Variants in RGS3 observed in about 807,000 individuals in gnomAD.
The protein encoded by RGS3 is regulator of G-protein signalling 3.
RGS3 carries 80 observed loss-of-function variants against 132.6 expected under a neutral mutation model. The ratio of observed to expected loss-of-function variants is 0.60; its 90% CI spans 0.50 to 0.73. RGS3 has a LOEUF of 0.73. Among genes scored for constraint, RGS3 ranks in the 30% least tolerant of loss-of-function variants. RGS3 has a pLI of 0.00. For missense variants in RGS3, 1,382 were observed against 1,530.8 expected, an observed-to-expected ratio of 0.90 and a Z score of 1.62; for synonymous variants, 598 against 620.6, an observed-to-expected ratio of 0.96 and a Z score of 0.54.
chr9:113,448,315 T>C (rs963922299), intron 1 of RGS3, among the ~76,000 whole-genome samples: 4 of 152,158 alleles, frequency 2.6e-5, no homozygotes, highest in African/African-American at 9.7e-5. Context: ...ATGACCTGGC[T>C]TCTCTCCCCC....
chr9:113,587,892 G>A (rs534712556), intron 20 of RGS3, among the ~76,000 whole-genome samples: 2 of 152,196 alleles, frequency 1.3e-5, no homozygotes, highest in South Asian at 2.1e-4. Context: ...GTCTCATGGT[G>A]CCCCCTGCCG....
In RGS3 at chr9:113,590,983, GGCAGGGATTGGCCTAGTGACA is replaced by G. The variant is rs1835391107; in HGVS notation, c.3016-349_3016-329del. 7.2e-5 allele frequency among the ~76,000 whole-genome samples: 11 copies of G among 152,326 alleles called. No individual in the cohort carries two copies. In the South Asian group the frequency reaches 2.1e-3, roughly 29 times the overall value. The stretch of plus-strand genomic sequence containing the variant: ...ATTAAGGAATAGAGGCTTAGAGAGG[GGCAGGGATTGGCCTAGTGACA>G]CAGCAGAAGCCCTGCCCTCTCACCT... On this transcript the variant is annotated intron_variant, in intron 20 of 24. Transcript: ENST00000350696.
chr9:113,540,344 C>T (rs1832852210), intron 19 of RGS3, among the ~76,000 whole-genome samples: 1 of 152,152 alleles, frequency 6.6e-6, no homozygotes, highest in Non-Finnish European at 1.5e-5. Flanking sequence ...TAATAAATGC[C>T]TTCTCAGTGC....
At chr9:113,541,895 A>C (rs867768528) in intron 19 of RGS3, 3 of 982,012 alleles carry the variant, frequency 3.1e-6, no homozygotes, top group Non-Finnish European at 3.6e-6. Flanking sequence ...GGGTGCATCT[A>C]CTTTATGCCA....
chr9:113,469,191 T>C (rs1829745443), intron 3 of RGS3, among the ~76,000 whole-genome samples: 1 of 152,062 alleles, frequency 6.6e-6, no homozygotes, highest in African/African-American at 2.4e-5. Context: ...TGGGAACAGA[T>C]GTCAGCCAGC....
Position 113,536,844 on chromosome 9 carries a change from AAG to A in RGS3, c.1968_1969del (p.Arg656SerfsTer26). Reference sequence around the variant, plus strand: ...GGAAGCGCACTCGCAGGAGCAGAAGAAGAGAGTGTGCTGGTGCCTGTCGGAGA... The same window carrying A: ...GGAAGCGCACTCGCAGGAGCAGAAGAAGAGTGTGCTGGTGCCTGTCGGAGA... On this transcript the variant is annotated frameshift_variant, in exon 19 of 25. Transcript: ENST00000350696. LOFTEE classifies it high-confidence loss of function. 6.2e-7 allele frequency: 1 copy of A among 1,614,138 alleles called. No homozygotes were observed. Among genetic ancestry groups the A allele is most frequent in the Non-Finnish European group, 8.5e-7 (1 of 1,179,994 alleles).
intron 19 of RGS3, chr9:113,582,597 C>G (rs549906234): frequency 6.6e-6 from 1 of 152,264 alleles, no homozygotes; most frequent in Non-Finnish European, 1.5e-5. Flanking sequence ...TCCTGACTTT[C>G]TCGGGGCCCC....
At chr9:113,572,469 A>G (rs1834333471) in intron 19 of RGS3, among the ~76,000 whole-genome samples, 1 of 152,050 alleles carries the variant, frequency 6.6e-6, no homozygotes, top group Admixed American at 6.6e-5. Context: ...GCTTAGTCTC[A>G]TGTCCACATG....
chr9:113,579,673 C>A lies in RGS3; in HGVS notation c.2038-3777C>A, dbSNP rs560046013. ...CCCCAGCTGCCTGTACTTCCTCTAT[C>A]AGAGCAGTCCCCATGCTCCTTCAAA... On this transcript the variant is annotated intron_variant, in intron 19 of 24. Transcript: ENST00000350696. This position sits in a 1 kb window ranked among gnomAD's most constrained non-coding sequence, Gnocchi z 4.3. Among the ~76,000 whole-genome samples, 29 of 152,338 alleles carry A rather than the reference C, an allele frequency of 1.9e-4. No individual in the cohort carries two copies. The East Asian group carries it at 5.6e-3, about 29-fold the overall frequency.
At position 113,582,110 on chromosome 9, in the gene RGS3, G is replaced by A. The variant is rs370926555; in HGVS notation, c.2038-1340G>A. The A allele has an allele frequency of 3.8e-5, 37 of 985,302 alleles. No homozygotes were observed. In the African/African-American group the frequency reaches 6.3e-4, roughly 17 times the overall value. 61.0% of individuals were successfully genotyped at this position (985,302 alleles called of 1,614,324 possible). ...CCCTGACACGTGTGTGCAGCAGCCT[G>A]CAGCTGCCCCAAGCCATGGCTGAAC... On this transcript the variant is annotated intron_variant, in intron 19 of 24. Transcript: ENST00000350696.
chr9:113,534,457 A>G (rs1348654810), intron 18 of RGS3, among the ~76,000 whole-genome samples: 1 of 152,212 alleles, frequency 6.6e-6, no homozygotes, highest in Non-Finnish European at 1.5e-5. Flanking sequence ...AGTATTTAAT[A>G]TAACCTATAC....
intron 19 of RGS3, among the ~76,000 whole-genome samples, chr9:113,548,026 TACTTAGGTGG>T (rs1833185793): frequency 6.6e-6 from 1 of 152,196 alleles, no homozygotes; most frequent in Non-Finnish European, 1.5e-5. Flanking sequence ...CTGTAATCAA[TACTTAGGTGG>T]ACTTTGGGAA....
At chr9:113,566,408 C>A (rs533906831) in intron 19 of RGS3, among the ~76,000 whole-genome samples, 209 of 152,288 alleles carry the variant, frequency 1.4e-3, no homozygotes, top group African/African-American at 4.9e-3. Flanking sequence ...GAGGCTAATT[C>A]TTTTCCCAGC....
intron 1 of RGS3, among the ~76,000 whole-genome samples, chr9:113,445,814 G>A (rs561199933): frequency 6.6e-6 from 1 of 152,204 alleles, no homozygotes; most frequent in Admixed American, 6.5e-5. Flanking sequence ...GAGTAGCTGG[G>A]TTTACAGTCA....
chr9:113,564,232 T>G (rs1363080731), intron 19 of RGS3, among the ~76,000 whole-genome samples: 1 of 152,224 alleles, frequency 6.6e-6, no homozygotes, highest in Admixed American at 6.5e-5. Flanking sequence ...GCTATGTGAC[T>G]GTGGGCAACT....
In RGS3 at chr9:113,447,323, G is replaced by GTATATA. The variant is rs1554750967; in HGVS notation, c.-13+2401_-13+2402insATATAT. Among the ~76,000 whole-genome samples the GTATATA allele has an allele frequency of 1.5e-3, 44 of 29,414 alleles. 1 individual carries two copies. The highest frequency in any genetic ancestry group is 3.8e-3 in the African/African-American group (43 of 11,238). The allele number at this position is 29,414 out of a possible 152,430, so 19.3% of individuals were successfully genotyped here. A position where few individuals can be genotyped will look rare whatever the true frequency, so the allele number is the denominator to read the frequency against. On this transcript the variant is annotated intron_variant, in intron 1 of 25. Coordinates refer to the RGS3 transcript ENST00000374140. ...TGTAAACCAATAAATTCTGATGTAT[G>GTATATA]TATATGTATATATATATATATATAT...
upstream of RGS3, among the ~76,000 whole-genome samples, chr9:113,456,052 A>G (rs544993443): frequency 1.5e-4 from 23 of 152,278 alleles, no homozygotes; most frequent in African/African-American, 5.3e-4. Flanking sequence ...TATTAAACCT[A>G]CTGGACCTCT....
intron 10 of RGS3, among the ~76,000 whole-genome samples, chr9:113,500,068 A>G (rs544951097): frequency 6.6e-6 from 1 of 151,412 alleles, no homozygotes; most frequent in African/African-American, 2.4e-5. Context: ...CTCCAACATC[A>G]CAGGTTTCTT....
chr9:113,451,301 G>A (rs1363752191), intron 1 of RGS3, among the ~76,000 whole-genome samples: 1 of 152,210 alleles, frequency 6.6e-6, no homozygotes, highest in East Asian at 1.9e-4. Flanking sequence ...ACTTAGATAT[G>A]TCCTCTAGTT....
Sources: allele counts gnomAD v4.1 joint callset (sites outside exome capture counted in the v4.1 genomes callset), GRCh38; gene constraint gnomAD v4.1.1; non-coding constraint Gnocchi (gnomAD v3.1); transcripts MANE v1.5; gene names NCBI Gene and HGNC (gene_info 2026-07-23, HGNC 2026-07-21).